TUBG2: variants seen among roughly 807,000 people sequenced by gnomAD.
TUBG2 encodes the protein tubulin gamma 2.
A neutral mutation model predicts 55.1 loss-of-function variants in TUBG2; 39 were observed. That is an observed-to-expected ratio of 0.71 (90% CI 0.55 to 0.93). The LOEUF is 0.93. Ranked by LOEUF, TUBG2 falls within the 40% of genes least tolerant of loss-of-function variation. TUBG2 has a pLI of 0.00. For missense variants in TUBG2, 358 were observed against 599.1 expected, an observed-to-expected ratio of 0.60 and a Z score of 4.20; for synonymous variants, 223 against 241.0, an observed-to-expected ratio of 0.93 and a Z score of 0.69.
In TUBG2 at chr17:42,659,563, G is replaced by C. The variant is rs371969001; in HGVS notation, c.49+11G>C. ...AGTGCGGCAACCAGAGTGAGCAAGC[G>C]AGCGCCGGCCCCGCCGGTCTCTGGT... On this transcript the variant is annotated intron_variant, in intron 1 of 10. Transcript: ENST00000251412. 759 of 1,530,418 alleles carry C rather than the reference G, an allele frequency of 5.0e-4. 1 individual carries two copies. The African/African-American group carries it at 9.6e-3, about 19-fold the overall frequency. 94.8% of individuals were successfully genotyped at this position (1,530,418 alleles called of 1,614,324 possible).
chr17:42,660,257 A>G lies in TUBG2; in HGVS notation c.271A>G (p.Ile91Val). ...TGCCAAGCTCTACAACCCAGAGAAC[A>G]TCTACCTGTCGGAACATGGAGGAGG... is the stretch of plus-strand genomic sequence containing the variant. ...PYAKLYNPEN[I>V]YLSEHGGGAG... Residue 91 changes from isoleucine (I) to valine (V), a missense_variant, in exon 3 of 11, where the codon ATC (isoleucine) becomes GTC (valine). Around this residue, in one of 8 missense-constraint regions of TUBG2, gnomAD observed 32 missense variants for 115.1 expected, o/e 0.28. Coordinates refer to ENST00000251412, the MANE Select transcript of TUBG2 (RefSeq NM_016437.3). 1 of 1,613,882 alleles carries G rather than the reference A, an allele frequency of 6.2e-7. No individual in the cohort carries two copies. The highest frequency in any genetic ancestry group is 2.2e-5 in the East Asian group (1 of 44,882).
chr17:42,662,317 A>T (rs1406142931), intron 4 of TUBG2, among the ~76,000 whole-genome samples: 1 of 151,924 alleles, frequency 6.6e-6, no homozygotes, highest in African/African-American at 2.4e-5. Context: ...AACCAAAACA[A>T]ATTTGAGGAC....
chr17:42,663,850 G>A (rs2052450168), intron 6 of TUBG2, among the ~76,000 whole-genome samples: 1 of 152,092 alleles, frequency 6.6e-6, no homozygotes. Context: ...GGCTGAGGCA[G>A]GAGAGTTGCT....
intron 6 of TUBG2, among the ~76,000 whole-genome samples, chr17:42,664,599 G>C (rs1024140833): frequency 1.3e-5 from 2 of 151,898 alleles, no homozygotes; most frequent in Non-Finnish European, 2.9e-5. Flanking sequence ...GTCAAGATCA[G>C]ATTCCTATAT....
chr17:42,660,624 CAT>C lies in TUBG2; in HGVS notation c.331-12_331-11del. 6.2e-7 allele frequency: 1 copy of C among 1,613,000 alleles called. No homozygotes were observed. Among genetic ancestry groups the C allele is most frequent in the Non-Finnish European group, 8.5e-7 (1 of 1,179,050 alleles). ...AACCTTTGGCCTGACCCTCCCTTTC[CAT>C]ATCTCTATACAGGGTGAGAAAATTC... On this transcript the variant is annotated splice_polypyrimidine_tract_variant and intron_variant, in intron 3 of 10. Coordinates refer to ENST00000251412, the MANE Select transcript of TUBG2 (RefSeq NM_016437.3).
chr17:42,660,567 T>G, intron 3 of TUBG2, 72 bp from the exon 4 acceptor site: 1 of 1,458,374 alleles, frequency 6.9e-7, no homozygotes, highest in African/African-American at 1.4e-5. Flanking sequence ...GACAGAATTC[T>G]TGGTGCTGTG....
Position 42,659,491 on chromosome 17 carries a change from C to A in TUBG2, c.-13C>A. The A allele has an allele frequency of 1.9e-6, 3 of 1,549,570 alleles. No individual in the cohort carries two copies. The highest frequency in any genetic ancestry group is 2.6e-6 in the Non-Finnish European group (3 of 1,147,008). Reference sequence around the variant, plus strand: ...CGCCAGGCCGGGGCTGGCGCGCCCACGTCTGAAGAGCGATGCCCCGGGAGA... The same window carrying A: ...CGCCAGGCCGGGGCTGGCGCGCCCAAGTCTGAAGAGCGATGCCCCGGGAGA... On this transcript the variant is annotated 5_prime_UTR_variant, in exon 1 of 11. Coordinates refer to ENST00000251412, the MANE Select transcript of TUBG2 (RefSeq NM_016437.3).
chr17:42,664,215 G>A (rs1252239432), intron 6 of TUBG2, among the ~76,000 whole-genome samples: 1 of 151,532 alleles, frequency 6.6e-6, no homozygotes, highest in Non-Finnish European at 1.5e-5. Flanking sequence ...AGTCGAGGCT[G>A]CAGTGAGCCA....
chr17:42,662,889 A>C, intron 4 of TUBG2, 84 bp from the exon 5 acceptor site: 2 of 1,361,370 alleles, frequency 1.5e-6, no homozygotes, highest in Non-Finnish European at 2.1e-6. Flanking sequence ...TGTGTGTGGT[A>C]AGACCCCACC....
rs1021470191 is a variant in TUBG2, at chr17:42,659,518, C to A, written c.15C>A (p.Ile5=). 1 of 1,553,626 alleles carries A rather than the reference C, an allele frequency of 6.4e-7. No individual in the cohort carries two copies. The highest frequency in any genetic ancestry group is 8.7e-7 in the Non-Finnish European group (1 of 1,149,300). MPRE[I]ITLQLGQCGN... is the part of the protein sequence containing the mutation. ...TCTGAAGAGCGATGCCCCGGGAGAT[C>A]ATCACCCTGCAGCTGGGCCAGTGCG... Residue 5 remains isoleucine (I), a synonymous_variant, in exon 1 of 11, where the codon ATC becomes ATA. Transcript: ENST00000251412.
chr17:42,666,747 T>G lies in TUBG2; in HGVS notation c.1303T>G (p.Tyr435Asp), dbSNP rs201785998. The G allele has an allele frequency of 6.2e-7, 1 of 1,613,932 alleles. No homozygotes were observed. ...REVVQELIDE[Y>D]HAATQPDYIS... ...GGTTGTTCAGGAGCTCATTGATGAGTACCATGCGGCCACCCAGCCAGACTA... is the reference window on the plus strand; with the variant it reads ...GGTTGTTCAGGAGCTCATTGATGAGGACCATGCGGCCACCCAGCCAGACTA... The change falls in exon 11 of 11, where the codon TAC (tyrosine) becomes GAC (aspartate). Residue 435 changes from tyrosine to aspartate, a missense_variant. This residue lies in a region of TUBG2 where 54 missense variants were observed against 50.2 expected (regional missense o/e 1.08). Coordinates refer to ENST00000251412, the MANE Select transcript of TUBG2 (RefSeq NM_016437.3).
Position 42,660,871 on chromosome 17 carries a change from G to C in TUBG2, c.399+164G>C, listed in dbSNP as rs1194459464. The C allele has an allele frequency of 4.8e-6, 3 of 620,190 alleles. No individual in the cohort carries two copies. The African/African-American group carries it at 5.5e-5, about 11-fold the overall frequency. The allele number at this position is 620,190 out of a possible 1,614,324, so 38.4% of individuals were successfully genotyped here. Reference sequence around the variant, plus strand: ...TTGAGGTGAATAAGATATAATCTTTGTTCTCAAGGAAGTCATAAATCTGAA... The same window carrying C: ...TTGAGGTGAATAAGATATAATCTTTCTTCTCAAGGAAGTCATAAATCTGAA... On this transcript the variant is annotated intron_variant, in intron 4 of 10. Transcript: ENST00000251412.
chr17:42,666,245 G>C lies in TUBG2; in HGVS notation c.996+6G>C. On this transcript the variant is annotated splice_donor_region_variant and intron_variant, in intron 9 of 10. Transcript: ENST00000251412. ...GAGAGGTGGACCCCACCCAGGTAGG[G>C]GAGGCCCCTTCATCCCGCGCCCTGG... is the stretch of plus-strand genomic sequence containing the variant. 6.2e-7 allele frequency: 1 copy of C among 1,613,982 alleles called. No homozygotes were observed. Among genetic ancestry groups the C allele is most frequent in the Non-Finnish European group, 8.5e-7 (1 of 1,179,888 alleles).
In TUBG2 at chr17:42,666,854, T is replaced by C. The variant is rs1222473885; in HGVS notation, c.*54T>C. 1.3e-6 allele frequency: 2 copies of C among 1,596,072 alleles called. No homozygotes were observed. Among genetic ancestry groups the C allele is most frequent in the Non-Finnish European group, 8.6e-7 (1 of 1,166,234 alleles). On this transcript the variant is annotated 3_prime_UTR_variant, in exon 11 of 11. Transcript: ENST00000251412. ...TAGATGGTAACCACAGCCTCGACCATGCCTGCTCCCTCTGACCCAGCTTCA... is the reference window on the plus strand; with the variant it reads ...TAGATGGTAACCACAGCCTCGACCACGCCTGCTCCCTCTGACCCAGCTTCA...
intron 4 of TUBG2, 129 bp downstream of exon 4, chr17:42,660,836 A>G (rs1479500277): frequency 2.7e-6 from 2 of 730,430 alleles, no homozygotes; most frequent in East Asian, 5.4e-5. Context: ...GGAGCATCAG[A>G]TGTGGGATAT....
chr17:42,659,798 G>T, intron 1 of TUBG2, 36 bp from the exon 2 acceptor site: 1 of 1,613,484 alleles, frequency 6.2e-7, no homozygotes, highest in Non-Finnish European at 8.5e-7. Context: ...AGGCCTTAAG[G>T]CTCCAGCAGA....
chr17:42,663,201 G>C, intron 5 of TUBG2, 149 bp downstream of exon 5: 1 of 1,274,598 alleles, frequency 7.8e-7, no homozygotes, highest in Admixed American at 2.3e-5. Flanking sequence ...TATTTTGGGG[G>C]GTGGGGGTTT....
At chr17:42,661,073 C>A (rs757071957) in intron 4 of TUBG2, 3 of 244,350 alleles carry the variant, frequency 1.2e-5, no homozygotes, top group Non-Finnish European at 2.5e-5. Flanking sequence ...CTCCATCTCT[C>A]CCCATGCTGG....
Position 42,659,471 on chromosome 17 carries a change from G to A in TUBG2, c.-33G>A. The A allele has an allele frequency of 6.5e-7, 1 of 1,543,202 alleles. No individual in the cohort carries two copies. Among genetic ancestry groups the A allele is most frequent in the Non-Finnish European group, 8.7e-7 (1 of 1,143,838 alleles). ...TTCGTCTCAGCCGTGACTCTCGCCA[G>A]GCCGGGGCTGGCGCGCCCACGTCTG... On this transcript the variant is annotated 5_prime_UTR_variant, in exon 1 of 11. Coordinates refer to ENST00000251412, the MANE Select transcript of TUBG2 (RefSeq NM_016437.3).
Sources: gnomAD v4.1 joint callset for allele counts (sites outside exome capture counted in the v4.1 genomes callset) on GRCh38, gnomAD v4.1.1 for gene constraint, gnomAD v4.1.1 regional missense constraint, MANE v1.5 for transcripts, NCBI Gene and HGNC (gene_info 2026-07-23, HGNC 2026-07-21) for gene names.